Variants in DDX31 observed in about 807,000 individuals in gnomAD.
The protein encoded by DDX31 is DEAD-box helicase 31, also known as ATP-dependent DNA helicase DDX31.
In DDX31, 70 loss-of-function variants were observed where a neutral mutation model predicts 91.3. The ratio of observed to expected loss-of-function variants is 0.77; its 90% CI spans 0.63 to 0.94. The LOEUF is 0.94. Among genes scored for constraint, DDX31 ranks in the 40% least tolerant of loss-of-function variants. The pLI is 0.00. For synonymous variants in DDX31, 362 were observed against 350.6 expected (o/e 1.03, Z -0.36); for missense variants, 902 against 925.0 (o/e 0.98, Z 0.32).
At chr9:132,639,304 A>G (rs1053465087) in intron 14 of DDX31, among the ~76,000 whole-genome samples, 6 of 152,080 alleles carry the variant, frequency 3.9e-5, no homozygotes, top group African/African-American at 1.4e-4. Context: ...TGGCCCAGCA[A>G]CCGAGAGAAA....
chr9:132,599,097 G>A (rs1830593671), intron 19 of DDX31, among the ~76,000 whole-genome samples: 1 of 152,040 alleles, frequency 6.6e-6, no homozygotes. Context: ...TACATGGGTT[G>A]TTAATGGATT....
intron 14 of DDX31, among the ~76,000 whole-genome samples, chr9:132,635,650 A>C (rs977366843): frequency 2.0e-5 from 3 of 151,456 alleles, no homozygotes; most frequent in Admixed American, 6.6e-5. Context: ...AAATTTCTAT[A>C]AGAAACACAC....
rs982659174 is a variant in DDX31 at position 132,614,247 on chromosome 9, A to G, written c.1826-1992T>C. Among the ~76,000 whole-genome samples, 187 of 152,310 alleles carry G rather than the reference A, an allele frequency of 1.2e-3. 2 individuals carry two copies. The highest frequency in any genetic ancestry group is 4.3e-3 in the African/African-American group (178 of 41,564). ...TCCTTTTCCCAATCGATGAGCAATA[A>G]TAACCAAGGCAACTCCTCTGTACCC... On this transcript the variant is annotated intron_variant, in intron 18 of 19. Transcript: ENST00000372159.
At chr9:132,623,187 C>A (rs1238700106) in intron 17 of DDX31, among the ~76,000 whole-genome samples, 1 of 151,640 alleles carries the variant, frequency 6.6e-6, no homozygotes, top group Non-Finnish European at 1.5e-5. Flanking sequence ...AGGACTATTT[C>A]CCACACAATC....
At chr9:132,610,635 CTTT>C (rs200564919) in intron 19 of DDX31, among the ~76,000 whole-genome samples, 111 of 147,952 alleles carry the variant, frequency 7.5e-4, no homozygotes, top group African/African-American at 2.6e-3. Context: ...GTCACCTCAT[CTTT>C]TTTTTTTTCT....
intron 11 of DDX31, among the ~76,000 whole-genome samples, chr9:132,647,615 A>G (rs1291706789): frequency 6.6e-6 from 1 of 152,174 alleles, no homozygotes; most frequent in Non-Finnish European, 1.5e-5. Flanking sequence ...CAAGGAAACC[A>G]GACAGAAAAA....
Position 132,646,007 on chromosome 9 carries a change from C to G in DDX31, c.1268G>C (p.Ser423Thr). ...GCTCAGCAGGGTCTGTAGGAAGAGGCTGTAGTGGAACTCCACCAGCTCGCA... is the reference window on the plus strand; with the variant it reads ...GCTCAGCAGGGTCTGTAGGAAGAGGGTGTAGTGGAACTCCACCAGCTCGCA... ...SSCELVEFHY[S>T]LFLQTLLSSS... is the part of the protein sequence containing the mutation. Residue 423 changes from serine (S) to threonine (T), a missense_variant, in exon 13 of 20, where the codon AGC (serine) becomes ACC (threonine). Coordinates refer to ENST00000372159, the MANE Select transcript of DDX31 (RefSeq NM_022779.9). The G allele has an allele frequency of 6.2e-7, 1 of 1,614,146 alleles. No individual in the cohort carries two copies. Among genetic ancestry groups the G allele is most frequent in the Non-Finnish European group, 8.5e-7 (1 of 1,180,022 alleles).
chr9:132,639,245 C>T (rs949262131), intron 14 of DDX31, among the ~76,000 whole-genome samples: 2 of 152,110 alleles, frequency 1.3e-5, no homozygotes, highest in Non-Finnish European at 2.9e-5. Flanking sequence ...CCAGGAACAC[C>T]GAGAGGAAGC....
chr9:132,654,773 C>G (rs1319366927), intron 6 of DDX31, among the ~76,000 whole-genome samples: 1 of 151,812 alleles, frequency 6.6e-6, no homozygotes, highest in Non-Finnish European at 1.5e-5. Context: ...TGGTGAAACC[C>G]CATCTCTACT....
At chr9:132,637,761 G>T in intron 14 of DDX31, 1 of 958,602 alleles carries the variant, frequency 1.0e-6, no homozygotes, top group Middle Eastern at 5.4e-4. Context: ...ATGAGTTAGC[G>T]TAACTGAGTA....
At chr9:132,615,536 A>T (rs1421544826) in intron 18 of DDX31, among the ~76,000 whole-genome samples, 1 of 151,854 alleles carries the variant, frequency 6.6e-6, no homozygotes, top group African/African-American at 2.4e-5. Context: ...TGAGGGGAGA[A>T]GAATGACTTG....
At chr9:132,627,192 G>A (rs1467276599) in intron 16 of DDX31, among the ~76,000 whole-genome samples, 1 of 152,184 alleles carries the variant, frequency 6.6e-6, no homozygotes, top group African/African-American at 2.4e-5. Flanking sequence ...GAGTAATGCC[G>A]TTTGCAGTCA....
chr9:132,612,338 T>C lies in DDX31; in HGVS notation c.1826-83A>G, dbSNP rs763905126. On this transcript the variant is annotated intron_variant, in intron 18 of 19. Coordinates refer to ENST00000372159, the MANE Select transcript of DDX31 (RefSeq NM_022779.9). The stretch of plus-strand genomic sequence containing the variant: ...AGTGCCCGGCCTAATGGTTATCTTC[T>C]GTACTTTATCTTGCCAGGCAACGAA... 7.9e-6 allele frequency: 12 copies of C among 1,521,650 alleles called. No homozygotes were observed. The East Asian group carries it at 2.5e-4, about 32-fold the overall frequency. 94.3% of individuals were successfully genotyped at this position (1,521,650 alleles called of 1,614,324 possible). A position where few individuals can be genotyped will look rare whatever the true frequency, so the allele number is the denominator to read the frequency against.
At chr9:132,602,731 GT>G (rs1418938607) in intron 19 of DDX31, among the ~76,000 whole-genome samples, 1 of 152,186 alleles carries the variant, frequency 6.6e-6, no homozygotes, top group Non-Finnish European at 1.5e-5. Context: ...CTAAGTCCCA[GT>G]TTATTCACTT....
intron 5 of DDX31, 68 bp from the exon 6 acceptor site, chr9:132,658,803 G>T (rs1448543305): frequency 1.4e-6 from 2 of 1,466,526 alleles, no homozygotes; most frequent in Admixed American, 1.8e-5. Context: ...AGCAAAGGAT[G>T]TAAAGGAAAC....
chr9:132,600,405 A>G (rs1173013272), intron 19 of DDX31, among the ~76,000 whole-genome samples: 2 of 152,152 alleles, frequency 1.3e-5, no homozygotes, highest in African/African-American at 4.8e-5. Context: ...CATTCCTAGG[A>G]GGGGTTCTGT....
At chr9:132,631,711 T>C (rs1269826834) in intron 15 of DDX31, among the ~76,000 whole-genome samples, 1 of 152,202 alleles carries the variant, frequency 6.6e-6, no homozygotes, top group Non-Finnish European at 1.5e-5. Flanking sequence ...CATCTCCTTC[T>C]GGACACAATG....
At chr9:132,630,210 C>A in intron 16 of DDX31, 54 bp downstream of exon 16, 1 of 1,502,474 alleles carries the variant, frequency 6.7e-7, no homozygotes, top group Non-Finnish European at 9.0e-7. Context: ...TAAAAAGCGA[C>A]AGAAAGTTAA....
chr9:132,669,263 C>G (rs531888861), intron 1 of DDX31, among the ~76,000 whole-genome samples: 11 of 140,636 alleles, frequency 7.8e-5, no homozygotes, highest in East Asian at 2.5e-4. Flanking sequence ...CCCGCCCCCC[C>G]CAAAGAACAG....
Sources: allele counts gnomAD v4.1 joint callset (sites outside exome capture counted in the v4.1 genomes callset), GRCh38; gene constraint gnomAD v4.1.1; transcripts MANE v1.5; gene names NCBI Gene and HGNC (gene_info 2026-07-23, HGNC 2026-07-21).